Variants in MTUS1 observed in about 807,000 individuals in gnomAD.
MTUS1 encodes microtubule-associated tumor suppressor 1.
In MTUS1, 109 loss-of-function variants were observed where a neutral mutation model predicts 120.8. The observed-to-expected ratio is 0.90, with a 90% confidence interval of 0.77 to 1.06. The LOEUF (loss-of-function observed/expected upper bound fraction) is 1.06, where lower values mean the gene tolerates loss of function less well. Ranked by LOEUF, MTUS1 falls within the 50% of genes least tolerant of loss-of-function variation. The pLI, the probability that MTUS1 is intolerant of heterozygous loss-of-function variation, is 0.00. For synonymous variants in MTUS1, 737 were observed against 550.5 expected (o/e 1.34, Z -4.74); for missense variants, 2,210 against 1,486.3 (o/e 1.49, Z -8.01).
chr8:17,779,062 A>G (rs2050675257), intron 1 of MTUS1, among the ~76,000 whole-genome samples: 1 of 152,170 alleles, frequency 6.6e-6, no homozygotes, highest in Non-Finnish European at 1.5e-5. Context: ...TCTGATTGCT[A>G]TTACGGGATT....
intron 6 of MTUS1, among the ~76,000 whole-genome samples, chr8:17,703,701 T>C (rs1291735860): frequency 6.6e-6 from 1 of 151,680 alleles, no homozygotes; most frequent in Admixed American, 6.6e-5. Context: ...TCAGGCTTAC[T>C]AGGATTGGGA....
In MTUS1 at chr8:17,644,474, C is replaced by A. The variant is rs1171716649; in HGVS notation, c.*1452G>T. On this transcript the variant is annotated 3_prime_UTR_variant, in exon 15 of 15. Transcript: ENST00000693296. ...ATAAAGCAACAGTTCTTCCTTCCAC[C>A]TTTTCCAAAGTCTCAGGATTAGGGG... 6.6e-6 allele frequency: 1 copy of A among 152,608 alleles called. No homozygotes were observed. The highest frequency in any genetic ancestry group is 1.5e-5 in the Non-Finnish European group (1 of 68,046). The allele number at this position is 152,608 out of a possible 1,614,324, so 9.5% of individuals were successfully genotyped here. A position where few individuals can be genotyped will look rare whatever the true frequency, so the allele number is the denominator to read the frequency against.
chr8:17,754,793 C>G lies in MTUS1; in HGVS notation c.1015G>C (p.Glu339Gln), dbSNP rs763503489. ...TCAATAAGACAATAGGACACTGTCTCTCTCAGATTTTGGCCCATTTCCTTG... is the reference window on the plus strand; with the variant it reads ...TCAATAAGACAATAGGACACTGTCTGTCTCAGATTTTGGCCCATTTCCTTG... Reference protein sequence around the residue: ...RHKEMGQNLRETVSYCLIDDE... With the variant: ...RHKEMGQNLRQTVSYCLIDDE... The change falls in exon 2 of 15, where the codon GAG (glutamate) becomes CAG (glutamine). Residue 339 changes from glutamate to glutamine, a missense_variant. Transcript: ENST00000693296. 5.6e-6 allele frequency: 9 copies of G among 1,614,128 alleles called. No individual in the cohort carries two copies. The highest frequency in any genetic ancestry group is 7.6e-6 in the Non-Finnish European group (9 of 1,180,046).
At position 17,644,858 on chromosome 8, in the gene MTUS1, C is replaced by G. The variant is rs2129919870; in HGVS notation, c.*1068G>C. The G allele has an allele frequency of 6.6e-6, 1 of 152,286 alleles. No individual in the cohort carries two copies. Among genetic ancestry groups the G allele is most frequent in the South Asian group, 2.1e-4 (1 of 4,826 alleles). 9.4% of individuals were successfully genotyped at this position (152,286 alleles called of 1,614,324 possible). A position where few individuals can be genotyped will look rare whatever the true frequency, so the allele number is the denominator to read the frequency against. ...AGCTGGCTCTGGGGCTCTGGAAAATCATATTCCTTTATCCTTGTCCCAGAG... is the reference window on the plus strand; with the variant it reads ...AGCTGGCTCTGGGGCTCTGGAAAATGATATTCCTTTATCCTTGTCCCAGAG... On this transcript the variant is annotated 3_prime_UTR_variant, in exon 15 of 15. Transcript: ENST00000693296.
chr8:17,653,819 G>C (rs905681298), intron 10 of MTUS1: 1 of 237,442 alleles, frequency 4.2e-6, no homozygotes. Context: ...CAGACTCCTG[G>C]TCTGGAAACC....
chr8:17,729,948 C>T (rs545666952), intron 3 of MTUS1, among the ~76,000 whole-genome samples: 11 of 142,884 alleles, frequency 7.7e-5, no homozygotes, highest in South Asian at 6.6e-4. Context: ...CACAATCGCG[C>T]GAGATACCAC....
chr8:17,789,482 T>G (rs777160793), intron 1 of MTUS1, among the ~76,000 whole-genome samples: 2 of 152,190 alleles, frequency 1.3e-5, no homozygotes, highest in Non-Finnish European at 1.5e-5. Context: ...TAAATGACCA[T>G]GAACATTTCC....
chr8:17,658,024 GACACACAC>G (rs58132896), intron 8 of MTUS1, among the ~76,000 whole-genome samples: 2,537 of 140,480 alleles, frequency 0.018, 60 homozygotes, highest in African/African-American at 0.055. Flanking sequence ...TATATATATA[GACACACAC>G]ACACACACAC....
chr8:17,785,396 T>A (rs1474766133), intron 1 of MTUS1, among the ~76,000 whole-genome samples: 1 of 152,156 alleles, frequency 6.6e-6, no homozygotes, highest in African/African-American at 2.4e-5. Flanking sequence ...CATAGGCAGG[T>A]GAGTGCTTCT....
At chr8:17,680,136 G>C (rs975747202) in intron 7 of MTUS1, among the ~76,000 whole-genome samples, 1 of 152,096 alleles carries the variant, frequency 6.6e-6, no homozygotes, top group Non-Finnish European at 1.5e-5. Context: ...GACGGGAACA[G>C]AACGTAGATC....
intron 10 of MTUS1, 133 bp downstream of exon 10, chr8:17,654,428 A>T (rs899494393): frequency 1.5e-6 from 1 of 647,826 alleles, no homozygotes; most frequent in Admixed American, 2.9e-5. Flanking sequence ...CGCAAAAAGG[A>T]ACCAAGAACA....
Position 17,653,201 on chromosome 8 carries a change from T to C in MTUS1, c.3369A>G (p.Arg1123=). Residue 1123 remains arginine (R), a synonymous_variant, in exon 12 of 15, where the codon AGA becomes AGG. Transcript: ENST00000693296. ...LKSEEQKRRA[R]EKANLKNPQI... is the part of the protein sequence containing the mutation. Reference sequence around the variant, plus strand: ...CACAACTTACCAAATTTGCTTTTTCTCTTGCTCTTCTTTTTTGTTCTTCTG... The same window carrying C: ...CACAACTTACCAAATTTGCTTTTTCCCTTGCTCTTCTTTTTTGTTCTTCTG... 6.5e-7 allele frequency: 1 copy of C among 1,546,180 alleles called. No homozygotes were observed. Among genetic ancestry groups the C allele is most frequent in the South Asian group, 1.2e-5 (1 of 80,986 alleles).
At chr8:17,680,997 G>A (rs1421049355) in intron 7 of MTUS1, among the ~76,000 whole-genome samples, 2 of 151,738 alleles carry the variant, frequency 1.3e-5, no homozygotes, top group Non-Finnish European at 2.9e-5. Flanking sequence ...GTAGTGGTGC[G>A]ATCTTGGCTC....
chr8:17,669,829 G>A (rs1327517291), intron 8 of MTUS1, among the ~76,000 whole-genome samples: 2 of 148,516 alleles, frequency 1.3e-5, no homozygotes, highest in East Asian at 4.0e-4. Context: ...TGGGTGACAG[G>A]GTAGAAAACT....
In MTUS1 at chr8:17,754,757, G is replaced by T. The variant is rs775480695; in HGVS notation, c.1051C>A (p.Pro351Thr). The T allele has an allele frequency of 6.2e-7, 1 of 1,614,192 alleles. No homozygotes were observed. Among genetic ancestry groups the T allele is most frequent in the Non-Finnish European group, 8.5e-7 (1 of 1,180,030 alleles). The change falls in exon 2 of 15, where the codon CCT (proline) becomes ACT (threonine). Residue 351 changes from proline to threonine, a missense_variant. Coordinates refer to ENST00000693296, the MANE Select transcript of MTUS1 (RefSeq NM_001363059.2). ...TTATCAAAAGCTGGCACCATTAAAGGGCATTCATCATCAATAAGACAATAG... is the reference window on the plus strand; with the variant it reads ...TTATCAAAAGCTGGCACCATTAAAGTGCATTCATCATCAATAAGACAATAG... ...VSYCLIDDEC[P>T]LMVPAFDKSE...
At chr8:17,702,468 T>G (rs1245091917) in intron 6 of MTUS1, among the ~76,000 whole-genome samples, 2 of 152,344 alleles carry the variant, frequency 1.3e-5, no homozygotes, top group East Asian at 3.9e-4. Context: ...TTGTTAACTG[T>G]AGGCACAATG....
At chr8:17,651,675 T>C (rs972930230) in intron 12 of MTUS1, 1 of 152,132 alleles carries the variant, frequency 6.6e-6, no homozygotes, top group African/African-American at 2.4e-5. Context: ...TGCCAGCCCA[T>C]CCCTTTCTCC....
Position 17,684,416 on chromosome 8 carries a change from C to G in MTUS1, c.2750G>C (p.Gly917Ala), listed in dbSNP as rs749922654. The change falls in exon 7 of 15, where the codon GGA becomes GCA. Residue 917 changes from glycine (G) to alanine (A), a missense_variant. Physicochemically the swap from Gly to Ala is moderately conservative, Grantham distance 60. Coordinates refer to ENST00000693296, the MANE Select transcript of MTUS1 (RefSeq NM_001363059.2). Reference protein sequence around the residue: ...QYKTKCENQSGFILQLKQLLA... With the variant: ...QYKTKCENQSAFILQLKQLLA... ...AAGCTGCTTGAGCTGCAGGATAAATCCACTTTGGTTTTCACATTTTGTTTT... is the reference window on the plus strand; with the variant it reads ...AAGCTGCTTGAGCTGCAGGATAAATGCACTTTGGTTTTCACATTTTGTTTT... 1.2e-6 allele frequency: 2 copies of G among 1,614,180 alleles called. No homozygotes were observed. The highest frequency in any genetic ancestry group is 3.3e-5 in the Admixed American group (2 of 60,012).
At chr8:17,713,020 C>A (rs917499946) in intron 6 of MTUS1, among the ~76,000 whole-genome samples, 194 bp downstream of exon 6, 2 of 152,074 alleles carry the variant, frequency 1.3e-5, no homozygotes, top group Non-Finnish European at 2.9e-5. Flanking sequence ...ATACAATGTC[C>A]TTTCATGCAT....
Sources: allele counts gnomAD v4.1 joint callset (sites outside exome capture counted in the v4.1 genomes callset), GRCh38; gene constraint gnomAD v4.1.1; transcripts MANE v1.5; gene names NCBI Gene and HGNC (gene_info 2026-07-23, HGNC 2026-07-21).